Variants in ANO2 observed in about 807,000 individuals in gnomAD.
The protein encoded by ANO2 is anoctamin 2.
A neutral mutation model predicts 124.2 loss-of-function variants in ANO2; 101 were observed. The ratio of observed to expected loss-of-function variants is 0.81; its 90% CI spans 0.69 to 0.96. ANO2 has a LOEUF of 0.96. ANO2 is among the 40% of genes least tolerant of loss of function. ANO2 has a pLI of 0.00. For missense variants in ANO2, 1,293 were observed against 1,274.5 expected, an observed-to-expected ratio of 1.01 and a Z score of -0.22; for synonymous variants, 486 against 482.5, an observed-to-expected ratio of 1.01 and a Z score of -0.09.
At chr12:5,828,755 A>T (rs1009656817) in intron 6 of ANO2, among the ~76,000 whole-genome samples, 2 of 152,238 alleles carry the variant, frequency 1.3e-5, no homozygotes, top group Non-Finnish European at 2.9e-5. Flanking sequence ...AAGGTGGGTC[A>T]GTGTAAACCT....
intron 14 of ANO2, among the ~76,000 whole-genome samples, chr12:5,729,306 C>A (rs1428717074): frequency 6.6e-6 from 1 of 151,984 alleles, no homozygotes; most frequent in Non-Finnish European, 1.5e-5. Context: ...CTCTTACAAC[C>A]TGATAACCAA....
At chr12:5,842,789 C>T (rs1954558154) in intron 4 of ANO2, among the ~76,000 whole-genome samples, 1 of 152,234 alleles carries the variant, frequency 6.6e-6, no homozygotes. Flanking sequence ...GGCCTGGGGT[C>T]TTCCCAGGCT....
At chr12:5,790,396 G>A (rs1952662775) in intron 10 of ANO2, among the ~76,000 whole-genome samples, 1 of 152,084 alleles carries the variant, frequency 6.6e-6, no homozygotes, top group African/African-American at 2.4e-5. Context: ...CATGTCCCTT[G>A]TCTAGCTCAG....
chr12:5,799,667 T>C, intron 9 of ANO2, 96 bp from the exon 10 acceptor site: 5 of 1,117,770 alleles, frequency 4.5e-6, no homozygotes, highest in African/African-American at 1.5e-5. Flanking sequence ...ATCCCCAAAG[T>C]CCAGCTTCTA....
intron 20 of ANO2, among the ~76,000 whole-genome samples, chr12:5,579,639 T>C (rs1221657287): frequency 2.6e-5 from 4 of 152,208 alleles, no homozygotes; most frequent in African/African-American, 9.7e-5. Flanking sequence ...GTTATCTACC[T>C]GCTTATAAAA....
chr12:5,930,119 A>C (rs1942292024), intron 1 of ANO2, among the ~76,000 whole-genome samples: 1 of 131,652 alleles, frequency 7.6e-6, no homozygotes, highest in South Asian at 2.4e-4. Context: ...CTTTCTTACC[A>C]GTCTTCCTTC....
chr12:5,720,545 A>G (rs573121042), intron 14 of ANO2, among the ~76,000 whole-genome samples: 2 of 152,336 alleles, frequency 1.3e-5, no homozygotes, highest in South Asian at 2.1e-4. Flanking sequence ...CTACAAGTCA[A>G]TTGTGCCTAA....
chr12:5,808,792 C>T (rs1368539491), intron 7 of ANO2, among the ~76,000 whole-genome samples: 1 of 152,162 alleles, frequency 6.6e-6, no homozygotes, highest in African/African-American at 2.4e-5. Context: ...ACCCAATGCC[C>T]CACCCACATG....
intron 1 of ANO2, among the ~76,000 whole-genome samples, chr12:5,923,695 T>C (rs1220531335): frequency 2.0e-5 from 3 of 152,078 alleles, no homozygotes. Flanking sequence ...AAGTCCCCAG[T>C]AGGTGATGGA....
intron 1 of ANO2, among the ~76,000 whole-genome samples, chr12:5,943,551 G>A (rs554810690): frequency 6.6e-6 from 1 of 152,104 alleles, no homozygotes; most frequent in South Asian, 2.1e-4. Flanking sequence ...ATTACATACT[G>A]GGTACAATGT....
chr12:5,794,635 G>A (rs1293771365), intron 10 of ANO2, among the ~76,000 whole-genome samples: 1 of 152,088 alleles, frequency 6.6e-6, no homozygotes, highest in Non-Finnish European at 1.5e-5. Context: ...ATACTGATAG[G>A]TTTGAACATT....
At chr12:5,625,447 T>A (rs1227575513) in intron 16 of ANO2, among the ~76,000 whole-genome samples, 1 of 152,008 alleles carries the variant, frequency 6.6e-6, no homozygotes, top group Non-Finnish European at 1.5e-5. Flanking sequence ...GCACTTGGAC[T>A]TTGAAGTGAG....
chr12:5,733,797 C>A (rs537171378), intron 13 of ANO2, among the ~76,000 whole-genome samples: 18 of 152,276 alleles, frequency 1.2e-4, no homozygotes, highest in Admixed American at 9.2e-4. Flanking sequence ...ACTGTTGCAA[C>A]ATACCTACCA....
intron 14 of ANO2, among the ~76,000 whole-genome samples, chr12:5,672,839 T>C (rs1265497011): frequency 5.9e-5 from 9 of 152,204 alleles, no homozygotes; most frequent in Admixed American, 5.2e-4. Flanking sequence ...ATCAGTATAA[T>C]AGAACAGGTA....
chr12:5,767,687 A>C (rs1951938398), intron 10 of ANO2, among the ~76,000 whole-genome samples: 1 of 152,206 alleles, frequency 6.6e-6, no homozygotes, highest in East Asian at 1.9e-4. Flanking sequence ...TTTGGGATAA[A>C]TATTCTGTGA....
At chr12:5,603,345 A>T (rs1170135088) in intron 19 of ANO2, among the ~76,000 whole-genome samples, 1 of 152,256 alleles carries the variant, frequency 6.6e-6, no homozygotes, top group Non-Finnish European at 1.5e-5. Flanking sequence ...AGAGTGTTAT[A>T]AAGGGAGAAG....
chr12:5,720,644 G>A (rs1361130190), intron 14 of ANO2, among the ~76,000 whole-genome samples: 1 of 152,162 alleles, frequency 6.6e-6, no homozygotes, highest in African/African-American at 2.4e-5. Context: ...TGGGTCTTGT[G>A]TTTTCCCAGA....
intron 10 of ANO2, among the ~76,000 whole-genome samples, chr12:5,774,398 G>A (rs1351374246): frequency 2.0e-5 from 3 of 152,126 alleles, no homozygotes; most frequent in Non-Finnish European, 2.9e-5. Flanking sequence ...CCTGAGATGG[G>A]GAGGTTGCAG....
At chr12:5,919,304 C>G (rs1941559425) in intron 3 of ANO2, among the ~76,000 whole-genome samples, 1 of 151,604 alleles carries the variant, frequency 6.6e-6, no homozygotes, top group South Asian at 2.1e-4. Flanking sequence ...GCACAGAGGG[C>G]AACAGCACAA....
Sources: gnomAD v4.1 joint callset for allele counts (sites outside exome capture counted in the v4.1 genomes callset) on GRCh38, gnomAD v4.1.1 for gene constraint, MANE v1.5 for transcripts, NCBI Gene and HGNC (gene_info 2026-07-23, HGNC 2026-07-21) for gene names.